CASD1: variants seen among roughly 807,000 people sequenced by gnomAD.
CASD1 encodes CAS1 domain sialic acid O acetyltransferase 1.
CASD1 carries 41 observed loss-of-function variants against 100.0 expected under a neutral mutation model. The ratio of observed to expected loss-of-function variants is 0.41; its 90% CI spans 0.32 to 0.53. CASD1 has a LOEUF of 0.53. Among genes scored for constraint, CASD1 ranks in the 20% least tolerant of loss-of-function variants. The pLI, the probability that CASD1 is intolerant of heterozygous loss-of-function variation, is 0.25. For synonymous variants in CASD1, 321 were observed against 315.6 expected (o/e 1.02, Z -0.18); for missense variants, 774 against 948.7 (o/e 0.82, Z 2.42).
rs1184051808 is a variant in CASD1 at position 94,509,936 on chromosome 7, G to A, written c.-149G>A. 1 of 1,173,742 alleles carries A rather than the reference G, an allele frequency of 8.5e-7. No individual in the cohort carries two copies. The highest frequency in any genetic ancestry group is 1.1e-6 in the Non-Finnish European group (1 of 944,276). The allele number at this position is 1,173,742 out of a possible 1,614,324, so 72.7% of individuals were successfully genotyped here. On this transcript the variant is annotated 5_prime_UTR_variant, in exon 1 of 18. Transcript: ENST00000297273. ...GAGGTCGGGGGCGCCGCGGCCGCGG[G>A]GTCAGGTTCCCCGGCGGGAGGCGCA...
downstream of CASD1, among the ~76,000 whole-genome samples, chr7:94,560,048 C>T (rs954948950): frequency 2.0e-5 from 3 of 152,060 alleles, no homozygotes; most frequent in Non-Finnish European, 2.9e-5. Context: ...CTTTGTCTTT[C>T]TCTTTTCTAT....
At chr7:94,517,448 G>GA (rs1376247562) in intron 1 of CASD1, 112 bp from the exon 2 acceptor site, 53 of 615,218 alleles carry the variant, frequency 8.6e-5, no homozygotes, top group Non-Finnish European at 1.5e-4. Flanking sequence ...GCGGTACAGT[G>GA]AAACAGAGAA....
intron 1 of CASD1, among the ~76,000 whole-genome samples, chr7:94,513,673 C>T (rs1427324215): frequency 1.3e-5 from 2 of 152,170 alleles, no homozygotes; most frequent in Non-Finnish European, 1.5e-5. Context: ...TCTGCCTACC[C>T]ACACAAACTG....
chr7:94,546,570 A>C (rs1040793031), intron 12 of CASD1, among the ~76,000 whole-genome samples: 1 of 151,900 alleles, frequency 6.6e-6, no homozygotes, highest in Non-Finnish European at 1.5e-5. Flanking sequence ...TAATTTCTCT[A>C]TACAAACCCA....
chr7:94,591,205 G>C, the CASD1 span, among the ~76,000 whole-genome samples: 1 of 152,154 alleles, frequency 6.6e-6, no homozygotes, highest in Admixed American at 6.6e-5. Flanking sequence ...ACTACAAAGA[G>C]GGAATAAGTT....
chr7:94,560,751 A>G (rs758525048), downstream of CASD1, among the ~76,000 whole-genome samples: 2 of 152,160 alleles, frequency 1.3e-5, no homozygotes, highest in Non-Finnish European at 2.9e-5. Flanking sequence ...CCCTGGGACT[A>G]TTGCTTAATT....
the CASD1 span, chr7:94,585,428 GAGAAA>G: frequency 3.5e-6 from 5 of 1,412,138 alleles, no homozygotes; most frequent in East Asian, 4.6e-5. Context: ...ATTATTGGAA[GAGAAA>G]AGAAATGTGA....
the CASD1 span, chr7:94,585,439 T>C: frequency 2.7e-6 from 4 of 1,498,184 alleles, no homozygotes; most frequent in East Asian, 4.5e-5. Context: ...AGAAAAGAAA[T>C]GTGATGTAAC....
chr7:94,539,114 C>A, intron 10 of CASD1, 58 bp downstream of exon 10: 1 of 979,112 alleles, frequency 1.0e-6, no homozygotes, highest in Non-Finnish European at 1.6e-6. Context: ...TTTAATGTTT[C>A]TTTAAGGGCA....
the CASD1 span, chr7:94,603,347 T>A: frequency 1.2e-6 from 2 of 1,612,612 alleles, no homozygotes; most frequent in African/African-American, 1.3e-5. Context: ...TATCACATGT[T>A]ATTACAGGCT....
At chr7:94,569,969 A>G in the CASD1 span, among the ~76,000 whole-genome samples, 1 of 151,880 alleles carries the variant, frequency 6.6e-6, no homozygotes. Context: ...GCCCGCCACC[A>G]TGCCCAGCTA....
chr7:94,555,565 C>T lies in CASD1; in HGVS notation c.2201C>T (p.Pro734Leu), dbSNP rs754563005. 2 of 1,613,444 alleles carry T rather than the reference C, an allele frequency of 1.2e-6. No individual in the cohort carries two copies. The highest frequency in any genetic ancestry group is 1.7e-6 in the Non-Finnish European group (2 of 1,179,616). The change falls in exon 18 of 18, where the codon CCT becomes CTT. Residue 734 changes from proline to leucine, a missense_variant. Pro to Leu is a moderately conservative substitution (Grantham distance 98). Around this residue, in one of 5 missense-constraint regions of CASD1, gnomAD observed 175 missense variants for 206.9 expected, o/e 0.85. Transcript: ENST00000297273. Reference protein sequence around the residue: ...RGILVLIPGNPMLNIIVSTFI... With the variant: ...RGILVLIPGNLMLNIIVSTFI... ...ATCTTGGTACTGATACCTGGAAACCCTATGCTCAACATCATTGTCAGCACT... is the reference window on the plus strand; with the variant it reads ...ATCTTGGTACTGATACCTGGAAACCTTATGCTCAACATCATTGTCAGCACT...
At chr7:94,567,743 A>G in the CASD1 span, among the ~76,000 whole-genome samples, 30 of 152,298 alleles carry the variant, frequency 2.0e-4, no homozygotes, top group African/African-American at 7.2e-4. Flanking sequence ...ATAGGGAATA[A>G]ATTTAGATGG....
At chr7:94,560,440 A>G (rs944205835), downstream of CASD1, among the ~76,000 whole-genome samples, 3 of 152,210 alleles carry the variant, frequency 2.0e-5, no homozygotes, top group Non-Finnish European at 2.9e-5. Flanking sequence ...TACGTAATGC[A>G]TAAGGCACAT....
the CASD1 span, among the ~76,000 whole-genome samples, chr7:94,582,129 A>G: frequency 6.6e-6 from 1 of 152,070 alleles, no homozygotes; most frequent in East Asian, 1.9e-4. Context: ...TCTAATGATC[A>G]GCGATGTTGA....
chr7:94,602,509 CAT>C, the CASD1 span, among the ~76,000 whole-genome samples: 1 of 151,148 alleles, frequency 6.6e-6, no homozygotes, highest in African/African-American at 2.4e-5. Flanking sequence ...CACCACCAAT[CAT>C]AAAGAATTGA....
the CASD1 span, among the ~76,000 whole-genome samples, chr7:94,574,723 G>A: frequency 6.6e-6 from 1 of 151,060 alleles, no homozygotes; most frequent in African/African-American, 2.4e-5. Context: ...GTAATCCCAG[G>A]ACTTTGGAAG....
the CASD1 span, chr7:94,585,289 A>G: frequency 5.3e-5 from 26 of 493,470 alleles, no homozygotes; most frequent in East Asian, 3.5e-4. Context: ...AAAGTCATCA[A>G]TGTTTTACAA....
At chr7:94,604,851 ATATATAT>A in the CASD1 span, among the ~76,000 whole-genome samples, 4 of 102,488 alleles carry the variant, frequency 3.9e-5, no homozygotes, top group Non-Finnish European at 7.8e-5. Context: ...ATATATATAT[ATATATAT>A]AATAGTTGTT....
Sources: allele counts gnomAD v4.1 joint callset (sites outside exome capture counted in the v4.1 genomes callset), GRCh38; gene constraint gnomAD v4.1.1; regional missense constraint gnomAD v4.1.1; transcripts MANE v1.5; gene names NCBI Gene and HGNC (gene_info 2026-07-23, HGNC 2026-07-21).